The following ACADM variants were observed in gnomAD, a reference collection of about 807,000 sequenced individuals.
ACADM encodes acyl-CoA dehydrogenase medium chain, also known as medium-chain specific acyl-CoA dehydrogenase, mitochondrial.
Under a neutral mutation model 58.9 loss-of-function variants are expected in ACADM, and 49 were observed. That is an observed-to-expected ratio of 0.83 (90% confidence interval 0.66 to 1.06). The LOEUF (loss-of-function observed/expected upper bound fraction) is 1.06, where lower values mean the gene tolerates loss of function less well. ACADM is among the 50% of genes least tolerant of loss of function. ACADM has a pLI of 0.00. For synonymous variants in ACADM, 160 were observed against 157.7 expected, an observed-to-expected ratio of 1.01 and a Z score of -0.11; for missense variants, 496 against 507.0, an observed-to-expected ratio of 0.98 and a Z score of 0.21.
At chr1:75,742,323 C>A (rs1253070177) in intron 7 of ACADM, among the ~76,000 whole-genome samples, 1 of 152,166 alleles carries the variant, frequency 6.6e-6, no homozygotes, top group Non-Finnish European at 1.5e-5. Flanking sequence ...ACCGGCAACA[C>A]ATCTTAGAAA....
chr1:75,745,968 C>A, intron 8 of ACADM, 54 bp downstream of exon 8: 1 of 1,267,368 alleles, frequency 7.9e-7, no homozygotes, highest in South Asian at 1.2e-5. Flanking sequence ...TTATAAATTG[C>A]AAAATTACTT....
intron 1 of ACADM, 137 bp from the exon 2 acceptor site, chr1:75,728,264 G>A (rs1484379627): frequency 6.9e-6 from 4 of 578,718 alleles, no homozygotes; most frequent in South Asian, 2.3e-5. Flanking sequence ...ATGATTGAAG[G>A]CATTTAAATA....
intron 3 of ACADM, 51 bp from the exon 4 acceptor site, chr1:75,732,802 C>T (rs1412182187): frequency 6.2e-7 from 1 of 1,604,406 alleles, no homozygotes; most frequent in Middle Eastern, 1.7e-4. Context: ...ATTATGTAAT[C>T]AAACTATCTG....
At chr1:75,752,934 A>T (rs1648285309) in intron 10 of ACADM, among the ~76,000 whole-genome samples, 1 of 152,138 alleles carries the variant, frequency 6.6e-6, no homozygotes, top group African/African-American at 2.4e-5. Flanking sequence ...TACTCCAGAG[A>T]TTTCACCATT....
chr1:75,744,250 T>C (rs1146580), intron 7 of ACADM: 517,678 of 1,602,838 alleles, frequency 0.32, 88,805 homozygotes, highest in African/African-American at 0.55. Context: ...GGGTGCTGCA[T>C]GGGGAGGAAC....
chr1:75,750,599 T>C (rs1648147440), intron 10 of ACADM, 53 bp downstream of exon 10: 1 of 1,185,634 alleles, frequency 8.4e-7, no homozygotes, highest in East Asian at 2.4e-5. Context: ...CATTTTCATT[T>C]AATATTTAGA....
intron 10 of ACADM, among the ~76,000 whole-genome samples, chr1:75,754,213 T>G (rs1317041632): frequency 1.3e-5 from 2 of 149,672 alleles, no homozygotes; most frequent in Non-Finnish European, 3.0e-5. Context: ...TTTTTTGTTT[T>G]TTTTTTTTTT....
Position 75,761,695 on chromosome 1 carries a change from T to C in ACADM, c.1194+325T>C, listed in dbSNP as rs1449864038. The stretch of plus-strand genomic sequence containing the variant: ...AAGTATGCATGTCATTTAAAATTAA[T>C]TATTTTGATTTGAATCTTGCCTGAC... On this transcript the variant is annotated intron_variant, in intron 11 of 11. Coordinates refer to ENST00000370841, the MANE Select transcript of ACADM (RefSeq NM_000016.6). 3 of 288,606 alleles carry C rather than the reference T, an allele frequency of 1.0e-5. No homozygotes were observed. In the East Asian group the frequency reaches 2.5e-4, roughly 24 times the overall value. The allele number at this position is 288,606 out of a possible 1,614,324, so 17.9% of individuals were successfully genotyped here. A position where few individuals can be genotyped will look rare whatever the true frequency, so the allele number is the denominator to read the frequency against.
intron 2 of ACADM, among the ~76,000 whole-genome samples, chr1:75,731,513 T>C (rs1182909043): frequency 2.0e-5 from 3 of 152,164 alleles, no homozygotes; most frequent in African/African-American, 7.2e-5. Context: ...AAGGATACCA[T>C]GGATTTGAAA....
At position 75,762,798 on chromosome 1, in the gene ACADM, AC is replaced by A. The variant is rs750727347; in HGVS notation, c.*36del. 7.6e-7 allele frequency: 1 copy of A among 1,308,624 alleles called. No homozygotes were observed. The highest frequency in any genetic ancestry group is 1.7e-5 in the Admixed American group (1 of 57,698). 81.1% of individuals were successfully genotyped at this position (1,308,624 alleles called of 1,614,324 possible). On this transcript the variant is annotated 3_prime_UTR_variant, in exon 12 of 12. Coordinates refer to ENST00000370841, the MANE Select transcript of ACADM (RefSeq NM_000016.6). ...TGTAGAAATATTGAATAACTAGAAC[AC>A]AAGCCACTGTTTCAGCTCCAGAAAA...
chr1:75,737,400 A>T (rs1056085237), intron 6 of ACADM, among the ~76,000 whole-genome samples: 10 of 149,982 alleles, frequency 6.7e-5, no homozygotes, highest in South Asian at 2.1e-4. Context: ...TTGTATAGAA[A>T]AAAACAGGCT....
At chr1:75,731,898 TC>T (rs1316116038) in intron 2 of ACADM, among the ~76,000 whole-genome samples, 2 of 152,094 alleles carry the variant, frequency 1.3e-5, no homozygotes, top group Non-Finnish European at 1.5e-5. Context: ...GTGAGGTGGC[TC>T]CCAGCACTTT....
Position 75,733,755 on chromosome 1 carries a change from A to C in ACADM, c.387+127A>C, listed in dbSNP as rs534798886. 5.7e-4 allele frequency: 432 copies of C among 752,632 alleles called. 1 individual carries two copies. Among genetic ancestry groups the C allele is most frequent in the Non-Finnish European group, 9.0e-4 (388 of 431,448 alleles). 46.6% of individuals were successfully genotyped at this position (752,632 alleles called of 1,614,324 possible). A position where few individuals can be genotyped will look rare whatever the true frequency, so the allele number is the denominator to read the frequency against. ...TTACTACTAGGTAAGGTTAGTGGGT[A>C]CACACAGTTTTCTTTAAAGAGGAAC... is the stretch of plus-strand genomic sequence containing the variant. On this transcript the variant is annotated intron_variant, in intron 5 of 11. Transcript: ENST00000370841.
At position 75,734,837 on chromosome 1, in the gene ACADM, A is replaced by T. The variant is rs1553123262; in HGVS notation, c.434A>T (p.Tyr145Phe). Reference sequence around the variant, plus strand: ...GGAAATGATCAACAAAAGAAGAAGTATTTGGGGAGAATGACTGAGGAGCCA... The same window carrying T: ...GGAAATGATCAACAAAAGAAGAAGTTTTTGGGGAGAATGACTGAGGAGCCA... Reference protein sequence around the residue: ...IAGNDQQKKKYLGRMTEEPLM... With the variant: ...IAGNDQQKKKFLGRMTEEPLM... The change falls in exon 6 of 12, where the codon TAT (tyrosine) becomes TTT (phenylalanine). Residue 145 changes from tyrosine to phenylalanine, a missense_variant. By Grantham distance (22) the Tyr-to-Phe change is conservative. Coordinates refer to ENST00000370841, the MANE Select transcript of ACADM (RefSeq NM_000016.6). 1.2e-6 allele frequency: 2 copies of T among 1,613,952 alleles called. No homozygotes were observed. Among genetic ancestry groups the T allele is most frequent in the Non-Finnish European group, 1.7e-6 (2 of 1,179,868 alleles).
intron 7 of ACADM, 147 bp downstream of exon 7, chr1:75,740,257 A>G: frequency 1.3e-6 from 1 of 770,122 alleles, no homozygotes; most frequent in Non-Finnish European, 2.1e-6. Flanking sequence ...CAGTTCAGTG[A>G]TTTTCAAAAA....
chr1:75,745,998 CATTT>C (rs1647880862), intron 8 of ACADM, 84 bp downstream of exon 8: 1 of 966,526 alleles, frequency 1.0e-6, no homozygotes, highest in African/African-American at 1.6e-5. Context: ...TTAATAAAAA[CATTT>C]GTTTGTATTA....
At chr1:75,735,004 G>A (rs773740938) in intron 6 of ACADM, 133 bp downstream of exon 6, 7 of 741,724 alleles carry the variant, frequency 9.4e-6, no homozygotes, top group Admixed American at 8.6e-5. Flanking sequence ...TTATTACAAT[G>A]ATGTGTCAAG....
intron 10 of ACADM, among the ~76,000 whole-genome samples, chr1:75,755,941 C>T (rs1228390949): frequency 6.6e-6 from 1 of 152,184 alleles, no homozygotes; most frequent in Admixed American, 6.5e-5. Flanking sequence ...TAAATGTAAT[C>T]CATCACATAC....
At chr1:75,725,763 T>C (rs1647044570) in intron 1 of ACADM, among the ~76,000 whole-genome samples, 1 of 152,242 alleles carries the variant, frequency 6.6e-6, no homozygotes, top group Non-Finnish European at 1.5e-5. Context: ...AACCAATAGT[T>C]ATATAGCATT....
Sources: gnomAD v4.1 joint callset for allele counts (sites outside exome capture counted in the v4.1 genomes callset) on GRCh38, gnomAD v4.1.1 for gene constraint, MANE v1.5 for transcripts, NCBI Gene and HGNC (gene_info 2026-07-23, HGNC 2026-07-21) for gene names.